FAM171A1: variants seen among roughly 807,000 people sequenced by gnomAD.
The protein encoded by FAM171A1 is protein FAM171A1.
Under a neutral mutation model 74.9 loss-of-function variants are expected in FAM171A1, and 23 were observed. The ratio of observed to expected loss-of-function variants is 0.31; its 90% CI spans 0.22 to 0.44. The LOEUF is 0.44. Ranked by LOEUF, FAM171A1 falls within the 20% of genes least tolerant of loss-of-function variation. FAM171A1 has a pLI of 1.00. For synonymous variants in FAM171A1, 527 were observed against 505.7 expected, an observed-to-expected ratio of 1.04 and a Z score of -0.57; for missense variants, 1,162 against 1,159.2, an observed-to-expected ratio of 1.00 and a Z score of -0.03.
chr10:15,283,048 C>G (rs1416935950), intron 2 of FAM171A1, among the ~76,000 whole-genome samples: 1 of 152,226 alleles, frequency 6.6e-6, no homozygotes, highest in Non-Finnish European at 1.5e-5. Flanking sequence ...CTAAACTTAG[C>G]TTATAATCAA....
intron 5 of FAM171A1, among the ~76,000 whole-genome samples, chr10:15,230,421 T>C (rs1370658644): frequency 2.0e-5 from 3 of 152,246 alleles, no homozygotes; most frequent in Non-Finnish European, 2.9e-5. Flanking sequence ...TATGTGCAGA[T>C]GGTTGGATTC....
At chr10:15,353,172 G>C (rs890794533) in intron 1 of FAM171A1, among the ~76,000 whole-genome samples, 2 of 152,272 alleles carry the variant, frequency 1.3e-5, no homozygotes, top group East Asian at 3.9e-4. Context: ...AGGTAACAAA[G>C]AGAAGAGGGT....
At chr10:15,276,016 G>T in intron 2 of FAM171A1, 69 bp from the exon 3 acceptor site, 1 of 1,097,024 alleles carries the variant, frequency 9.1e-7, no homozygotes, top group South Asian at 1.4e-5. Context: ...CTAATTTTTG[G>T]GATACTCTGC....
intron 1 of FAM171A1, among the ~76,000 whole-genome samples, chr10:15,361,175 G>A (rs1835989140): frequency 6.6e-6 from 1 of 152,056 alleles, no homozygotes; most frequent in South Asian, 2.1e-4. Flanking sequence ...ATAATAAAAT[G>A]TTAAGATACA....
chr10:15,248,556 A>C, intron 5 of FAM171A1, 83 bp downstream of exon 5: 1 of 1,402,068 alleles, frequency 7.1e-7, no homozygotes. Flanking sequence ...AGGAAAGGAG[A>C]CTTCCATGAG....
chr10:15,342,459 T>C (rs1327402055), intron 1 of FAM171A1, among the ~76,000 whole-genome samples: 4 of 152,060 alleles, frequency 2.6e-5, no homozygotes, highest in African/African-American at 2.4e-5. Flanking sequence ...TCTCAGCTAC[T>C]TGGGAGGCTG....
chr10:15,342,503 G>T (rs1486728323), intron 1 of FAM171A1, among the ~76,000 whole-genome samples: 1 of 152,196 alleles, frequency 6.6e-6, no homozygotes, highest in African/African-American at 2.4e-5. Context: ...GGGAGGCAGA[G>T]GTTGAAATGA....
At chr10:15,275,321 C>T (rs1374379679) in intron 3 of FAM171A1, among the ~76,000 whole-genome samples, 1 of 148,734 alleles carries the variant, frequency 6.7e-6, no homozygotes, top group East Asian at 2.0e-4. Context: ...AAGTCTCACT[C>T]TGTCACCCAG....
chr10:15,251,220 T>C (rs1389966441), intron 4 of FAM171A1, among the ~76,000 whole-genome samples: 1 of 152,202 alleles, frequency 6.6e-6, no homozygotes, highest in Admixed American at 6.5e-5. Context: ...GACAGCAATG[T>C]GCATTAGGTT....
At chr10:15,350,934 T>C (rs1440302877) in intron 1 of FAM171A1, among the ~76,000 whole-genome samples, 1 of 152,132 alleles carries the variant, frequency 6.6e-6, no homozygotes, top group Non-Finnish European at 1.5e-5. Flanking sequence ...TGAGCCACCA[T>C]GCCTGGCCAC....
chr10:15,261,950 CA>C (rs769181636), intron 3 of FAM171A1, among the ~76,000 whole-genome samples: 2 of 152,034 alleles, frequency 1.3e-5, no homozygotes, highest in Non-Finnish European at 2.9e-5. Flanking sequence ...CCCATCTCTA[CA>C]AAAAATCTGA....
At chr10:15,365,746 G>T (rs574417623) in intron 1 of FAM171A1, among the ~76,000 whole-genome samples, 1 of 144,182 alleles carries the variant, frequency 6.9e-6, no homozygotes, top group Admixed American at 7.2e-5. Context: ...CTCCAGCCTG[G>T]GGGACACAGT....
At chr10:15,327,363 A>T (rs1002129311) in intron 1 of FAM171A1, among the ~76,000 whole-genome samples, 54 of 152,128 alleles carry the variant, frequency 3.5e-4, no homozygotes, top group African/African-American at 1.2e-3. Context: ...GAATGTCACA[A>T]ATATGACTGG....
At chr10:15,347,114 C>G (rs544458705) in intron 1 of FAM171A1, among the ~76,000 whole-genome samples, 1 of 152,230 alleles carries the variant, frequency 6.6e-6, no homozygotes, top group East Asian at 1.9e-4. Context: ...CATCTCTGAG[C>G]AACAATAGCC....
chr10:15,306,145 A>G (rs550345486), intron 1 of FAM171A1, among the ~76,000 whole-genome samples: 1 of 152,366 alleles, frequency 6.6e-6, no homozygotes, highest in East Asian at 1.9e-4. Flanking sequence ...GCAAGCCCCT[A>G]TCTTCACATT....
intron 1 of FAM171A1, among the ~76,000 whole-genome samples, chr10:15,370,280 C>G (rs138956689): frequency 6.6e-6 from 1 of 150,536 alleles, no homozygotes; most frequent in Admixed American, 6.6e-5. Context: ...TGAGGGCCTC[C>G]CAGTTCAATT....
At chr10:15,364,072 C>A (rs1319301638) in intron 1 of FAM171A1, among the ~76,000 whole-genome samples, 2 of 152,130 alleles carry the variant, frequency 1.3e-5, no homozygotes, top group Admixed American at 6.6e-5. Flanking sequence ...CGGTCCCTAA[C>A]ATTTCATTAC....
At chr10:15,275,548 A>G (rs928864640) in intron 3 of FAM171A1, among the ~76,000 whole-genome samples, 2 of 151,896 alleles carry the variant, frequency 1.3e-5, no homozygotes, top group African/African-American at 2.4e-5. Flanking sequence ...CAACCCACCT[A>G]GGCTTCCCAA....
intron 1 of FAM171A1, among the ~76,000 whole-genome samples, chr10:15,351,933 A>T (rs553845440): frequency 6.6e-6 from 1 of 152,224 alleles, no homozygotes; most frequent in Admixed American, 6.5e-5. Context: ...CATGCCTGTA[A>T]TCCCAGCACT....
Sources: gnomAD v4.1 joint callset for allele counts (sites outside exome capture counted in the v4.1 genomes callset) on GRCh38, gnomAD v4.1.1 for gene constraint, MANE v1.5 for transcripts, NCBI Gene and HGNC (gene_info 2026-07-23, HGNC 2026-07-21) for gene names.